Variants in HDAC4 observed in about 807,000 individuals in gnomAD.
HDAC4 encodes the protein histone deacetylase 4, also known as histone deacetylase A.
Under a neutral mutation model 135.1 loss-of-function variants are expected in HDAC4, and 16 were observed. That is an observed-to-expected ratio of 0.12 (90% CI 0.08 to 0.18). The LOEUF (loss-of-function observed/expected upper bound fraction) is 0.18. Among genes scored for constraint, HDAC4 ranks in the 10% least tolerant of loss-of-function variants. The pLI is 1.00. For missense variants in HDAC4, 1,143 were observed against 1,511.8 expected (o/e 0.76, Z 4.05); for synonymous variants, 685 against 653.4 (o/e 1.05, Z -0.74).
At chr2:239,092,476 G>A (rs1170577489) in intron 17 of HDAC4, among the ~76,000 whole-genome samples, 4 of 152,188 alleles carry the variant, frequency 2.6e-5, no homozygotes, top group East Asian at 1.9e-4. Context: ...TACTACACCC[G>A]TGTTCTGAAG....
intron 16 of HDAC4, among the ~76,000 whole-genome samples, chr2:239,097,010 C>T (rs1308522684): frequency 3.3e-5 from 5 of 152,246 alleles, no homozygotes; most frequent in South Asian, 2.1e-4. Context: ...GGCTCCCAGG[C>T]CCCCCAGGCA....
chr2:239,359,605 G>A (rs948299521), intron 1 of HDAC4, among the ~76,000 whole-genome samples: 6 of 152,196 alleles, frequency 3.9e-5, no homozygotes, highest in African/African-American at 1.4e-4. Flanking sequence ...CTACTGGGGA[G>A]TGCATGGAGA....
intron 17 of HDAC4, chr2:239,091,853 G>A (rs1458222823): frequency 1.3e-5 from 2 of 150,270 alleles, no homozygotes; most frequent in African/African-American, 2.5e-5. Context: ...AAGGTCAGGA[G>A]ATCGAGACCA....
chr2:239,079,777 C>T (rs542269857), intron 22 of HDAC4, among the ~76,000 whole-genome samples: 101 of 151,910 alleles, frequency 6.6e-4, no homozygotes, highest in Non-Finnish European at 1.2e-3. Flanking sequence ...CACACAAAGA[C>T]GTGCATGCAA....
chr2:239,062,062 G>A (rs146181594), intron 24 of HDAC4, among the ~76,000 whole-genome samples: 114 of 151,916 alleles, frequency 7.5e-4, no homozygotes, highest in Non-Finnish European at 1.2e-3. Flanking sequence ...TCGGTGCTGC[G>A]CCCACACGAC....
intron 3 of HDAC4, among the ~76,000 whole-genome samples, chr2:239,224,622 C>T (rs143805728): frequency 0.01 from 1,580 of 152,304 alleles, 12 homozygotes; most frequent in Non-Finnish European, 0.015. Context: ...TACTCATTGC[C>T]TTTACTAGTT....
chr2:239,234,286 C>G (rs930596062), intron 3 of HDAC4, among the ~76,000 whole-genome samples: 1 of 152,198 alleles, frequency 6.6e-6, no homozygotes, highest in Admixed American at 6.5e-5. Context: ...CCACGCCCAC[C>G]AACCCATGCC....
At chr2:239,251,294 TAA>T (rs1483597263) in intron 2 of HDAC4, among the ~76,000 whole-genome samples, 1 of 152,140 alleles carries the variant, frequency 6.6e-6, no homozygotes, top group African/African-American at 2.4e-5. Context: ...GTGATCTGGG[TAA>T]AGATTTCCAT....
intron 2 of HDAC4, among the ~76,000 whole-genome samples, chr2:239,334,525 C>CAAAT (rs1397757385): frequency 2.0e-5 from 3 of 149,128 alleles, no homozygotes; most frequent in South Asian, 4.3e-4. Context: ...CATCTCAAAA[C>CAAAT]AAACAAATAA....
At chr2:239,145,031 G>A (rs1349014640) in intron 7 of HDAC4, among the ~76,000 whole-genome samples, 1 of 152,230 alleles carries the variant, frequency 6.6e-6, no homozygotes, top group Admixed American at 6.5e-5. Context: ...CTGACAAGCT[G>A]ATTTACTGGG....
intron 3 of HDAC4, among the ~76,000 whole-genome samples, chr2:239,192,672 C>T (rs680564): frequency 0.35 from 53,167 of 151,992 alleles, 10,561 homozygotes; most frequent in South Asian, 0.51. Flanking sequence ...TGTCAGGTTG[C>T]GGTTCCCTCT....
chr2:239,306,898 T>C lies in HDAC4; in HGVS notation c.22+45780A>G, dbSNP rs899952401. ...GGATGCATGGGGGCGTTCAGGAATG[T>C]CCAAGGAGGGCCTGAGCCTCCCGTG... On this transcript the variant is annotated intron_variant, in intron 2 of 26. Coordinates refer to ENST00000543185, the MANE Select transcript of HDAC4 (RefSeq NM_001378414.1). The surrounding 1 kb of genome is among the most constrained non-coding windows in gnomAD (Gnocchi z 4.5). 7.3e-5 allele frequency among the ~76,000 whole-genome samples: 11 copies of C among 151,632 alleles called. No individual in the cohort carries two copies. The highest frequency in any genetic ancestry group is 2.4e-4 in the African/African-American group (10 of 41,254).
At chr2:239,104,836 A>C (rs1250730988) in intron 15 of HDAC4, among the ~76,000 whole-genome samples, 1 of 152,272 alleles carries the variant, frequency 6.6e-6, no homozygotes, top group Non-Finnish European at 1.5e-5. Context: ...TCACAAATTA[A>C]AGTTGATGTT....
At chr2:239,060,563 C>T (rs746197919) in intron 24 of HDAC4, among the ~76,000 whole-genome samples, 6 of 152,224 alleles carry the variant, frequency 3.9e-5, no homozygotes, top group South Asian at 2.1e-4. Context: ...GTTTTACCCC[C>T]GTCCAGCTGG....
At position 239,141,040 on chromosome 2, in the gene HDAC4, T is replaced by C. The variant is rs1331242022; in HGVS notation, c.866-1244A>G. On this transcript the variant is annotated intron_variant, in intron 8 of 26. Coordinates refer to ENST00000543185, the MANE Select transcript of HDAC4 (RefSeq NM_001378414.1). The surrounding 1 kb of genome is among the most constrained non-coding windows in gnomAD (Gnocchi z 4.9). ...CTTTATTAGCTCATCCATCTCTCAG[T>C]CACTGTTTGAGGAAGGTGCCATTAT... is the stretch of plus-strand genomic sequence containing the variant. 1 of 326,298 alleles carries C rather than the reference T, an allele frequency of 3.1e-6. No homozygotes were observed. The highest frequency in any genetic ancestry group is 2.4e-5 in the South Asian group (1 of 42,110). 20.2% of individuals were successfully genotyped at this position (326,298 alleles called of 1,614,324 possible).
chr2:239,389,933 G>A (rs377517485), intron 1 of HDAC4, among the ~76,000 whole-genome samples: 7 of 152,346 alleles, frequency 4.6e-5, no homozygotes, highest in African/African-American at 1.2e-4. Flanking sequence ...CAGACCGAAG[G>A]AGAGTGAATC....
chr2:239,176,630 A>G, intron 4 of HDAC4, 67 bp from the exon 5 acceptor site: 1 of 1,518,608 alleles, frequency 6.6e-7, no homozygotes, highest in African/African-American at 1.4e-5. Flanking sequence ...GACCCAATGA[A>G]GACCCAAGAA....
intron 16 of HDAC4, among the ~76,000 whole-genome samples, chr2:239,098,416 G>A (rs527709661): frequency 6.6e-6 from 1 of 152,368 alleles, no homozygotes; most frequent in African/African-American, 2.4e-5. Flanking sequence ...CTGCTCCCTG[G>A]CTGGGAGGAG....
At chr2:239,153,555 A>T (rs2042242556) in intron 7 of HDAC4, among the ~76,000 whole-genome samples, 1 of 152,208 alleles carries the variant, frequency 6.6e-6, no homozygotes, top group Non-Finnish European at 1.5e-5. Flanking sequence ...TATTCTCTTA[A>T]GTGGTTTAAA....
Sources: gnomAD v4.1 joint callset for allele counts (sites outside exome capture counted in the v4.1 genomes callset) on GRCh38, gnomAD v4.1.1 for gene constraint, Gnocchi (gnomAD v3.1) non-coding constraint, MANE v1.5 for transcripts, NCBI Gene and HGNC (gene_info 2026-07-23, HGNC 2026-07-21) for gene names.